CFAP97D2: variants seen among roughly 807,000 people sequenced by gnomAD.
CFAP97D2 encodes uncharacterized protein CFAP97D2.
At chr13:114,198,050 C>A (rs1397451660) in intron 2 of CFAP97D2, among the ~76,000 whole-genome samples, 1 of 152,104 alleles carries the variant, frequency 6.6e-6, no homozygotes, top group African/African-American at 2.4e-5. Context: ...TGCAGTGGCA[C>A]GATCTCGGCT....
At chr13:114,212,861 A>G (rs984412729) in intron 4 of CFAP97D2, among the ~76,000 whole-genome samples, 1 of 151,602 alleles carries the variant, frequency 6.6e-6, no homozygotes, top group African/African-American at 2.4e-5. Context: ...CAAAATAAAT[A>G]AAATAAAAAT....
chr13:114,206,869 C>T (rs9590479), intron 3 of CFAP97D2, among the ~76,000 whole-genome samples: 1,553 of 152,326 alleles, frequency 0.01, 26 homozygotes, highest in African/African-American at 0.035. Context: ...ACCAAACCTA[C>T]TGCAAATGGC....
At chr13:114,201,782 A>G (rs2080919126) in intron 3 of CFAP97D2, among the ~76,000 whole-genome samples, 1 of 152,238 alleles carries the variant, frequency 6.6e-6, no homozygotes, top group Admixed American at 6.5e-5. Context: ...TGGAATAAAC[A>G]TATCTAGCTA....
intron 1 of CFAP97D2, among the ~76,000 whole-genome samples, chr13:114,193,592 C>T (rs1471055477): frequency 2.0e-5 from 3 of 152,138 alleles, no homozygotes; most frequent in Non-Finnish European, 4.4e-5. Context: ...TGACATTAAT[C>T]CATTTAGGAA....
chr13:114,194,484 A>G (rs561751831), intron 1 of CFAP97D2, among the ~76,000 whole-genome samples: 85 of 152,296 alleles, frequency 5.6e-4, no homozygotes, highest in African/African-American at 1.8e-3. Context: ...CAGTGGCAAT[A>G]TAGGCCTTTT....
chr13:114,203,308 T>C lies in CFAP97D2; in HGVS notation c.290+2865T>C, dbSNP rs578125983. ...TCTGAAGAGGAAACTAAGAAAACAATTCCATACTCAAAAGTATCAAAAGAA... is the reference window on the plus strand; with the variant it reads ...TCTGAAGAGGAAACTAAGAAAACAACTCCATACTCAAAAGTATCAAAAGAA... On this transcript the variant is annotated intron_variant, in intron 3 of 4. Transcript: ENST00000646158. The surrounding 1 kb of genome is among the most constrained non-coding windows in gnomAD (Gnocchi z 4.3). 1.3e-5 allele frequency among the ~76,000 whole-genome samples: 2 copies of C among 152,206 alleles called. No homozygotes were observed. Among genetic ancestry groups the C allele is most frequent in the African/African-American group, 4.8e-5 (2 of 41,516 alleles).
intron 2 of CFAP97D2, among the ~76,000 whole-genome samples, chr13:114,199,127 G>C (rs1163106109): frequency 1.8e-5 from 1 of 56,784 alleles, no homozygotes; most frequent in Non-Finnish European, 3.0e-5. Context: ...CCGTGGGTAC[G>C]GTCCCCACTG....
intron 1 of CFAP97D2, among the ~76,000 whole-genome samples, chr13:114,193,294 T>C (rs1031386257): frequency 6.6e-6 from 1 of 152,234 alleles, no homozygotes; most frequent in East Asian, 1.9e-4. Flanking sequence ...ATAGATTTAA[T>C]TGCATATGAA....
chr13:114,219,339 G>C (rs1464409459), intron 4 of CFAP97D2, among the ~76,000 whole-genome samples: 1 of 151,912 alleles, frequency 6.6e-6, no homozygotes, highest in Non-Finnish European at 1.5e-5. Context: ...TCTCATTTCT[G>C]GCTCTTTTGT....
intron 2 of CFAP97D2, among the ~76,000 whole-genome samples, chr13:114,197,677 T>C (rs577619747): frequency 5.2e-4 from 75 of 145,378 alleles, no homozygotes; most frequent in African/African-American, 2.1e-3. Flanking sequence ...CTCAGAATGT[T>C]GGGTTTTGGG....
chr13:114,182,752 G>A (rs11843038), intron 1 of CFAP97D2, among the ~76,000 whole-genome samples: 8,959 of 152,266 alleles, frequency 0.059, 400 homozygotes, highest in African/African-American at 0.13. Flanking sequence ...CATACAACAC[G>A]TGTTTTTATG....
At chr13:114,210,298 T>A (rs944995266) in intron 3 of CFAP97D2, among the ~76,000 whole-genome samples, 2 of 152,184 alleles carry the variant, frequency 1.3e-5, no homozygotes, top group Non-Finnish European at 2.9e-5. Flanking sequence ...AATTCAGAAT[T>A]TTCACTATTA....
rs1409628453 is a variant in CFAP97D2 at position 114,189,704 on chromosome 13, TA to T, written c.91-6685del. On this transcript the variant is annotated intron_variant, in intron 1 of 4. Transcript: ENST00000646158. This position sits in a 1 kb window ranked among gnomAD's most constrained non-coding sequence, Gnocchi z 4.5. ...AATGTAATTAATCACATCAATGGGC[TA>T]AAAAAAGAAAAATCACATGATCATA... is the stretch of plus-strand genomic sequence containing the variant. 2.7e-5 allele frequency among the ~76,000 whole-genome samples: 4 copies of T among 150,730 alleles called. No individual in the cohort carries two copies. Among genetic ancestry groups the T allele is most frequent in the Admixed American group, 1.3e-4 (2 of 15,168 alleles).
intron 3 of CFAP97D2, among the ~76,000 whole-genome samples, chr13:114,205,533 G>C (rs773670494): frequency 6.6e-6 from 1 of 152,106 alleles, no homozygotes; most frequent in Non-Finnish European, 1.5e-5. Context: ...TCCCAATTTG[G>C]ATGTCTTTTA....
chr13:114,215,435 A>T (rs1478981066), intron 4 of CFAP97D2, among the ~76,000 whole-genome samples: 1 of 152,184 alleles, frequency 6.6e-6, no homozygotes, highest in Non-Finnish European at 1.5e-5. Context: ...AATTTCCCTT[A>T]TGGCATCTGG....
At chr13:114,181,947 T>C (rs1246007278) in intron 1 of CFAP97D2, among the ~76,000 whole-genome samples, 1 of 152,108 alleles carries the variant, frequency 6.6e-6, no homozygotes, top group Non-Finnish European at 1.5e-5. Flanking sequence ...CTGTGGGTAT[T>C]TCTAGTCGGG....
rs1439575735 is a variant in CFAP97D2 at position 114,179,558 on chromosome 13, A to G, written c.90+138A>G. 4 of 395,594 alleles carry G rather than the reference A, an allele frequency of 1.0e-5. No individual in the cohort carries two copies. The highest frequency in any genetic ancestry group is 8.2e-5 in the African/African-American group (4 of 48,570). 24.5% of individuals were successfully genotyped at this position (395,594 alleles called of 1,614,324 possible). On this transcript the variant is annotated intron_variant, in intron 1 of 4. Coordinates refer to ENST00000646158, the Ensembl canonical transcript of CFAP97D2. The surrounding 1 kb of genome is among the most constrained non-coding windows in gnomAD (Gnocchi z 4.8). ...AGCATGGTTGAAATGACATTTCCTAACAAGATTCATCATCTATGTTGCCAT... is the reference window on the plus strand; with the variant it reads ...AGCATGGTTGAAATGACATTTCCTAGCAAGATTCATCATCTATGTTGCCAT...
chr13:114,201,238 A>G (rs906494567), intron 3 of CFAP97D2, among the ~76,000 whole-genome samples: 1 of 152,154 alleles, frequency 6.6e-6, no homozygotes, highest in African/African-American at 2.4e-5. Flanking sequence ...CTTTCCCTGT[A>G]AGTGCAAGAT....
At chr13:114,205,296 G>A (rs1223448821) in intron 3 of CFAP97D2, among the ~76,000 whole-genome samples, 1 of 152,076 alleles carries the variant, frequency 6.6e-6, no homozygotes, top group African/African-American at 2.4e-5. Flanking sequence ...AATATATGGG[G>A]ATTAAATATA....
Sources: allele counts gnomAD v4.1 joint callset (sites outside exome capture counted in the v4.1 genomes callset), GRCh38; gene constraint gnomAD v4.1.1; non-coding constraint Gnocchi (gnomAD v3.1); transcripts MANE v1.5; gene names NCBI Gene and HGNC (gene_info 2026-07-23, HGNC 2026-07-21).